KARS1: variants seen among roughly 807,000 people sequenced by gnomAD.
KARS1 encodes lysine--tRNA ligase.
A neutral mutation model predicts 63.9 loss-of-function variants in KARS1; 50 were observed. That is an observed-to-expected ratio of 0.78 (90% confidence interval 0.62 to 0.99). The LOEUF (loss-of-function observed/expected upper bound fraction) is 0.99, where lower values mean the gene tolerates loss of function less well. Ranked by LOEUF, KARS1 falls within the 50% of genes least tolerant of loss-of-function variation. The probability of loss-of-function intolerance (pLI) is 0.00; values close to 1 mark genes in which losing one functional copy is unlikely to be tolerated. For synonymous variants in KARS1, 320 were observed against 264.6 expected (o/e 1.21, Z -2.03); for missense variants, 816 against 754.5 (o/e 1.08, Z -0.95).
At position 75,631,481 on chromosome 16, in the gene KARS1, A is replaced by G. The variant is rs369283454; in HGVS notation, c.1187T>C (p.Met396Thr). 2.5e-6 allele frequency: 4 copies of G among 1,613,978 alleles called. No homozygotes were observed. Among genetic ancestry groups the G allele is most frequent in the Non-Finnish European group, 3.4e-6 (4 of 1,180,012 alleles). The change falls in exon 9 of 14, where the codon ATG becomes ACG. Residue 396 changes from methionine (M) to threonine (T), a missense_variant. By Grantham distance (81) the Met-to-Thr change is moderately conservative. Coordinates refer to ENST00000302445, the MANE Select transcript of KARS1 (RefSeq NM_005548.3). ...DFTPPFRRIN[M>T]VEELEKALGM... ...CAGGGCTTTCTCAAGCTCTTCTACC[A>G]TGTTGATTCGCCGGAAGGGTGGGGT...
At position 75,628,627 on chromosome 16, in the gene KARS1, C is replaced by T. The variant is rs1232964683; in HGVS notation, c.1637G>A (p.Gly546Asp). Residue 546 changes from glycine (G) to aspartate (D), a missense_variant, in exon 13 of 14, where the codon GGC (glycine) becomes GAC (aspartate). By Grantham distance (94) the Gly-to-Asp change is moderately conservative (BLOSUM62 -1). Transcript: ENST00000302445. Reference protein sequence around the residue: ...ALEYGLPPTAGWGMGIDRVAM... With the variant: ...ALEYGLPPTADWGMGIDRVAM... ...GACTCGATCAATGCCCATGCCCCAGCCAGCTGTGGGGGGCAGCCCATATTC... is the reference window on the plus strand; with the variant it reads ...GACTCGATCAATGCCCATGCCCCAGTCAGCTGTGGGGGGCAGCCCATATTC... The T allele has an allele frequency of 3.1e-6, 5 of 1,614,012 alleles. No homozygotes were observed. Among genetic ancestry groups the T allele is most frequent in the Non-Finnish European group, 4.2e-6 (5 of 1,179,994 alleles).
At chr16:75,634,410 T>TC in intron 6 of KARS1, 118 bp from the exon 7 acceptor site, 1 of 1,041,148 alleles carries the variant, frequency 9.6e-7, no homozygotes, top group Non-Finnish European at 1.4e-6. Context: ...GTTAATAAGT[T>TC]CAACAGTAAT....
At chr16:75,635,359 T>C (rs752185695) in intron 6 of KARS1, 4 of 334,598 alleles carry the variant, frequency 1.2e-5, no homozygotes, top group African/African-American at 4.3e-5. Flanking sequence ...TGAATTTGTT[T>C]TATGGTACGT....
At chr16:75,644,547 G>A (rs1348097118) in intron 1 of KARS1, 7 of 954,914 alleles carry the variant, frequency 7.3e-6, no homozygotes, top group African/African-American at 3.3e-5. Flanking sequence ...TTGGGGAGGG[G>A]GACCATGCTT....
Position 75,629,360 on chromosome 16 carries a change from G to A in KARS1, c.1551+55C>T. 5 of 1,609,290 alleles carry A rather than the reference G, an allele frequency of 3.1e-6. No individual in the cohort carries two copies. The South Asian group carries it at 4.4e-5, about 14-fold the overall frequency. ...ATACGCTGACACAGATCAGGGTTAA[G>A]GCTGGTATTTCCTGGTGAGTTGGCA... On this transcript the variant is annotated intron_variant, in intron 12 of 13. Coordinates refer to ENST00000302445, the MANE Select transcript of KARS1 (RefSeq NM_005548.3).
intron 12 of KARS1, 125 bp downstream of exon 12, chr16:75,629,290 C>A (rs1597162391): frequency 8.2e-7 from 1 of 1,216,810 alleles, no homozygotes; most frequent in Non-Finnish European, 1.2e-6. Context: ...ACTCCTCCAG[C>A]AAGCCTATGG....
chr16:75,635,887 C>T (rs2082155977), intron 5 of KARS1, 25 bp downstream of exon 5: 2 of 1,613,710 alleles, frequency 1.2e-6, no homozygotes, highest in Non-Finnish European at 8.5e-7. Flanking sequence ...TAGGAGGCCA[C>T]AGCTAGGAGG....
chr16:75,627,778 G>A lies in KARS1; in HGVS notation c.*117C>T. 1 of 765,014 alleles carries A rather than the reference G, an allele frequency of 1.3e-6. No individual in the cohort carries two copies. Among genetic ancestry groups the A allele is most frequent in the Non-Finnish European group, 2.4e-6 (1 of 412,876 alleles). 47.4% of individuals were successfully genotyped at this position (765,014 alleles called of 1,614,324 possible). A position where few individuals can be genotyped will look rare whatever the true frequency, so the allele number is the denominator to read the frequency against. ...TTTAATTCCTTGTCTCTCTTCTGAT[G>A]GCTGAACAGAACTGCGGTGTCAAAT... On this transcript the variant is annotated 3_prime_UTR_variant, in exon 14 of 14. Transcript: ENST00000302445.
chr16:75,638,862 C>G (rs2082192673), intron 3 of KARS1, among the ~76,000 whole-genome samples: 1 of 152,042 alleles, frequency 6.6e-6, no homozygotes, highest in African/African-American at 2.4e-5. Flanking sequence ...AGAATAAAAA[C>G]AAACAATTAA....
At chr16:75,644,570 A>G (rs1039516250) in intron 1 of KARS1, 1 of 682,830 alleles carries the variant, frequency 1.5e-6, no homozygotes, top group African/African-American at 1.8e-5. Flanking sequence ...ACTACCTTTT[A>G]GTCCCATTTA....
chr16:75,631,309 T>C (rs2082110429), intron 9 of KARS1, 56 bp from the exon 10 acceptor site: 2 of 1,586,578 alleles, frequency 1.3e-6, no homozygotes, highest in Non-Finnish European at 1.7e-6. Context: ...CAAGTAAAAA[T>C]GTACATAAAG....
chr16:75,631,727 G>C lies in KARS1; in HGVS notation c.1044C>G (p.His348Gln). 2 of 1,614,172 alleles carry C rather than the reference G, an allele frequency of 1.2e-6. No homozygotes were observed. Among genetic ancestry groups the C allele is most frequent in the Non-Finnish European group, 1.7e-6 (2 of 1,180,022 alleles). ...CEFYMAYADY[H>Q]DLMEITEKMV... ...TCTTCTCCGTGATTTCCATGAGATC[G>C]TGATAGTCTGCATAGGCCATGTAGA... is the stretch of plus-strand genomic sequence containing the variant. The change falls in exon 8 of 14, where the codon CAC becomes CAG. Residue 348 changes from histidine to glutamine, a missense_variant. Transcript: ENST00000302445.
intron 13 of KARS1, among the ~76,000 whole-genome samples, 174 bp from the exon 14 acceptor site, chr16:75,628,167 G>C (rs1258729394): frequency 6.6e-6 from 1 of 152,210 alleles, no homozygotes; most frequent in Non-Finnish European, 1.5e-5. Flanking sequence ...TCAAGTTACA[G>C]ATGACAAAGA....
rs2082112131 is a variant in KARS1 at position 75,631,452 on chromosome 16, T to C, written c.1216A>G (p.Met406Val). The C allele has an allele frequency of 6.2e-7, 1 of 1,614,172 alleles. No homozygotes were observed. Among genetic ancestry groups the C allele is most frequent in the Non-Finnish European group, 8.5e-7 (1 of 1,180,030 alleles). The change falls in exon 9 of 14, where the codon ATG (methionine) becomes GTG (valine). Residue 406 changes from methionine (M) to valine (V), a missense_variant. Transcript: ENST00000302445. ...AAGAGGTTCGTTTCTGGCAGCTTCA[T>C]CCCCAGGGCTTTCTCAAGCTCTTCT... ...MVEELEKALG[M>V]KLPETNLFET...
At chr16:75,629,264 A>G in intron 12 of KARS1, 151 bp downstream of exon 12, 2 of 901,940 alleles carry the variant, frequency 2.2e-6, no homozygotes, top group South Asian at 1.4e-5. Context: ...AGATGAAGTC[A>G]CCATCTTGAA....
At position 75,631,700 on chromosome 16, in the gene KARS1, C is replaced by G. The variant is rs1011863097; in HGVS notation, c.1071G>C (p.Met357Ile). The G allele has an allele frequency of 1.2e-6, 2 of 1,614,040 alleles. No individual in the cohort carries two copies. Among genetic ancestry groups the G allele is most frequent in the Non-Finnish European group, 1.7e-6 (2 of 1,180,040 alleles). The change falls in exon 8 of 14, where the codon ATG (methionine) becomes ATC (isoleucine). Residue 357 changes from methionine (M) to isoleucine (I), a missense_variant. Transcript: ENST00000302445. ...YHDLMEITEK[M>I]VSGMVKHITG... ...AGAGAGAGCAGGAGTCACCTGAAAC[C>G]ATCTTCTCCGTGATTTCCATGAGAT...
intron 1 of KARS1, among the ~76,000 whole-genome samples, chr16:75,646,918 T>A (rs955391847): frequency 1.3e-5 from 2 of 152,122 alleles, no homozygotes; most frequent in Non-Finnish European, 2.9e-5. Context: ...AATGAGAATA[T>A]AAGACAGCCA....
intron 1 of KARS1, among the ~76,000 whole-genome samples, chr16:75,646,935 G>C (rs1010936502): frequency 1.3e-5 from 2 of 152,188 alleles, no homozygotes; most frequent in East Asian, 3.9e-4. Context: ...GCCAGTTAAA[G>C]GGTGGCTAAT....
chr16:75,633,289 G>T (rs577844437), intron 7 of KARS1, among the ~76,000 whole-genome samples: 1 of 152,302 alleles, frequency 6.6e-6, no homozygotes, highest in African/African-American at 2.4e-5. Context: ...CTGTGTTTCA[G>T]TGTACGTTTT....
Sources: allele counts gnomAD v4.1 joint callset (sites outside exome capture counted in the v4.1 genomes callset), GRCh38; gene constraint gnomAD v4.1.1; transcripts MANE v1.5; gene names NCBI Gene and HGNC (gene_info 2026-07-23, HGNC 2026-07-21).